SPIRE2: variants seen among roughly 807,000 people sequenced by gnomAD.
The protein encoded by SPIRE2 is protein spire homolog 2.
In SPIRE2, 76 loss-of-function variants were observed where a neutral mutation model predicts 80.7. That is an observed-to-expected ratio of 0.94 (90% CI 0.78 to 1.14). The LOEUF is 1.14. Ranked by LOEUF, SPIRE2 falls within the 50% of genes most tolerant of loss-of-function variation. SPIRE2 has a pLI of 0.00. For synonymous variants in SPIRE2, 535 were observed against 432.6 expected (o/e 1.24, Z -2.94); for missense variants, 1,196 against 1,015.3 (o/e 1.18, Z -2.42).
At position 89,828,800 on chromosome 16, in the gene SPIRE2, GC is replaced by G; in HGVS notation, c.244+8del. Reference sequence around the variant, plus strand: ...GCGGGAGCCCGAGGCCGCGGGTGAGGCCGGGGGCGGGGCAGCCGGCGGGGAC... The same window carrying G: ...GCGGGAGCCCGAGGCCGCGGGTGAGGCGGGGGCGGGGCAGCCGGCGGGGAC... On this transcript the variant is annotated splice_region_variant and intron_variant, in intron 1 of 14. Coordinates refer to ENST00000378247, the MANE Select transcript of SPIRE2 (RefSeq NM_032451.2). The surrounding 1 kb of genome is among the most constrained non-coding windows in gnomAD (Gnocchi z 5.9). 1 of 1,179,578 alleles carries G rather than the reference GC, an allele frequency of 8.5e-7. No individual in the cohort carries two copies. The highest frequency in any genetic ancestry group is 1.0e-6 in the Non-Finnish European group (1 of 954,286). 73.1% of individuals were successfully genotyped at this position (1,179,578 alleles called of 1,614,324 possible). A position where few individuals can be genotyped will look rare whatever the true frequency, so the allele number is the denominator to read the frequency against.
chr16:89,851,559 C>T (rs934852019), intron 3 of SPIRE2, among the ~76,000 whole-genome samples: 13 of 152,140 alleles, frequency 8.5e-5, no homozygotes, highest in South Asian at 6.2e-4. Context: ...TAGGCTCCGA[C>T]GTGGCTCCCA....
chr16:89,833,102 C>T (rs2041403363), intron 1 of SPIRE2, among the ~76,000 whole-genome samples: 1 of 152,084 alleles, frequency 6.6e-6, no homozygotes, highest in African/African-American at 2.4e-5. Context: ...AGTGATTCTC[C>T]TGCCTCAGCC....
At position 89,860,686 on chromosome 16, in the gene SPIRE2, C is replaced by T; in HGVS notation, c.1466C>T (p.Thr489Ile). The change falls in exon 10 of 15, where the codon ACC (threonine) becomes ATC (isoleucine). Residue 489 changes from threonine (T) to isoleucine (I), a missense_variant. Transcript: ENST00000378247. Reference sequence around the variant, plus strand: ...TGGAGCCTCTGCTCTCCCCCAGGTACCTGTCCCGCGAGTGTCTCTGACCCC... The same window carrying T: ...TGGAGCCTCTGCTCTCCCCCAGGTATCTGTCCCGCGAGTGTCTCTGACCCC... ...VWRPGSRDQG[T>I]CPASVSDPSH... is the part of the protein sequence containing the mutation. The T allele has an allele frequency of 6.3e-7, 1 of 1,585,800 alleles. No homozygotes were observed. The highest frequency in any genetic ancestry group is 8.6e-7 in the Non-Finnish European group (1 of 1,165,690).
intron 13 of SPIRE2, 47 bp downstream of exon 13, chr16:89,868,263 G>A: frequency 1.3e-6 from 2 of 1,591,892 alleles, no homozygotes; most frequent in African/African-American, 2.7e-5. Flanking sequence ...GCAGATGAGG[G>A]GCTCCACTGG....
At chr16:89,857,631 C>T (rs1413892073) in intron 7 of SPIRE2, among the ~76,000 whole-genome samples, 3 of 150,464 alleles carry the variant, frequency 2.0e-5, no homozygotes, top group African/African-American at 7.3e-5. Context: ...AGTGCAGTGG[C>T]GCTATCTCAG....
chr16:89,870,053 T>A lies in SPIRE2; in HGVS notation c.1926T>A (p.Ser642=). ...AGTGCCCTCTCCCACTTCCCAGGTC[T>A]CTGCAAGGGCCACAGTGGCAGAGCG... is the stretch of plus-strand genomic sequence containing the variant. The part of the protein sequence containing the change: ...APIQRRDIFQ[S]LQGPQWQSVE... The change falls in exon 15 of 15, where the codon TCT becomes TCA. Residue 642 remains serine, a synonymous_variant. Coordinates refer to ENST00000378247, the MANE Select transcript of SPIRE2 (RefSeq NM_032451.2). 6.2e-7 allele frequency: 1 copy of A among 1,612,036 alleles called. No homozygotes were observed. The highest frequency in any genetic ancestry group is 8.5e-7 in the Non-Finnish European group (1 of 1,179,670).
intron 3 of SPIRE2, among the ~76,000 whole-genome samples, chr16:89,851,562 G>C (rs1296526736): frequency 6.6e-6 from 1 of 152,152 alleles, no homozygotes; most frequent in Non-Finnish European, 1.5e-5. Context: ...GCTCCGACGT[G>C]GCTCCCAAGC....
chr16:89,870,268 A>G lies in SPIRE2; in HGVS notation c.2141A>G (p.Lys714Arg). 1 of 1,589,988 alleles carries G rather than the reference A, an allele frequency of 6.3e-7. No individual in the cohort carries two copies. Among genetic ancestry groups the G allele is most frequent in the Non-Finnish European group, 8.6e-7 (1 of 1,168,110 alleles). Reference sequence around the variant, plus strand: ...CCTAACACCAGGACTCTTGACTTCAAGTGACAGCCCCAGGTGGCCAGGCCT... The same window carrying G: ...CCTAACACCAGGACTCTTGACTTCAGGTGACAGCCCCAGGTGGCCAGGCCT... ...YIPNTRTLDFK is the reference protein window; with the variant it reads ...YIPNTRTLDFR Residue 714 changes from lysine (K) to arginine (R), a missense_variant, in exon 15 of 15, where the codon AAG becomes AGG. Coordinates refer to ENST00000378247, the MANE Select transcript of SPIRE2 (RefSeq NM_032451.2).
chr16:89,861,527 C>T (rs541192501), intron 10 of SPIRE2, among the ~76,000 whole-genome samples: 6 of 152,338 alleles, frequency 3.9e-5, no homozygotes, highest in South Asian at 2.1e-4. Context: ...GGGCTTGCCC[C>T]GTTAGCCTAG....
rs928605682 is a variant in SPIRE2 at position 89,858,432 on chromosome 16, C to G, written c.1197C>G (p.Ser399Arg). The G allele has an allele frequency of 3.7e-6, 6 of 1,611,666 alleles. No homozygotes were observed. The highest frequency in any genetic ancestry group is 5.1e-6 in the Non-Finnish European group (6 of 1,179,556). ...INLSVTDAGG[S>R]AQRPRPRVLL... ...TGTCAGTCACAGATGCTGGGGGCAGCGCCCAGCGCCCGCGGCCCCGCGTGC... is the reference window on the plus strand; with the variant it reads ...TGTCAGTCACAGATGCTGGGGGCAGGGCCCAGCGCCCGCGGCCCCGCGTGC... Residue 399 changes from serine (S) to arginine (R), a missense_variant, in exon 8 of 15, where the codon AGC becomes AGG. By Grantham distance (110) the Ser-to-Arg change is moderately radical (BLOSUM62 -1). Coordinates refer to ENST00000378247, the MANE Select transcript of SPIRE2 (RefSeq NM_032451.2).
At chr16:89,855,726 G>T (rs375807384) in intron 6 of SPIRE2, 40 bp downstream of exon 6, 366 of 1,590,848 alleles carry the variant, frequency 2.3e-4, no homozygotes, top group Admixed American at 3.0e-4. Context: ...GCCGCCCGGG[G>T]CCTGGTGCTG....
intron 1 of SPIRE2, among the ~76,000 whole-genome samples, chr16:89,835,962 G>A (rs1022715158): frequency 6.6e-6 from 1 of 152,126 alleles, no homozygotes; most frequent in South Asian, 2.1e-4. Context: ...ATCACATGAG[G>A]TCAGGAGTTT....
At position 89,859,240 on chromosome 16, in the gene SPIRE2, C is replaced by T. The variant is rs1423312568; in HGVS notation, c.1348C>T (p.Arg450Ter). The T allele has an allele frequency of 6.2e-6, 10 of 1,608,762 alleles. No homozygotes were observed. The highest frequency in any genetic ancestry group is 2.2e-5 in the East Asian group (1 of 44,542). ...CTCAGAGCATGACCTGGCCCAGCTC[C>T]GAAGTGAGGTGGCCTCTGGCCTGCA... ...SFSEHDLAQL[R>*]SEVASGLQSA... Residue 450 changes from arginine to a stop codon, truncating the protein, a stop_gained, in exon 9 of 15, where the codon CGA becomes TGA. Coordinates refer to ENST00000378247, the MANE Select transcript of SPIRE2 (RefSeq NM_032451.2). LOFTEE classifies it high-confidence loss of function.
Position 89,828,922 on chromosome 16 carries a change from G to A in SPIRE2, c.244+128G>A. 2.9e-6 allele frequency: 2 copies of A among 695,376 alleles called. No homozygotes were observed. The highest frequency in any genetic ancestry group is 3.8e-6 in the Non-Finnish European group (2 of 523,666). 43.1% of individuals were successfully genotyped at this position (695,376 alleles called of 1,614,324 possible). A position where few individuals can be genotyped will look rare whatever the true frequency, so the allele number is the denominator to read the frequency against. ...GAGCGGGAGATCCCCTTCTCTGCGG[G>A]ACCCGGAGCTCCCTCCCTCCCACTC... On this transcript the variant is annotated intron_variant, in intron 1 of 14. Transcript: ENST00000378247. This position sits in a 1 kb window ranked among gnomAD's most constrained non-coding sequence, Gnocchi z 5.9.
At chr16:89,846,917 G>C (rs575543413) in intron 2 of SPIRE2, 2 of 149,068 alleles carry the variant, frequency 1.3e-5, no homozygotes, top group Non-Finnish European at 3.0e-5. Context: ...CAATTCTCCT[G>C]CCTCAGTCTC....
Position 89,828,555 on chromosome 16 carries a change from C to T in SPIRE2, c.5C>T (p.Ala2Val). 8.9e-7 allele frequency: 1 copy of T among 1,125,430 alleles called. No homozygotes were observed. The highest frequency in any genetic ancestry group is 4.1e-5 in the South Asian group (1 of 24,212). The allele number at this position is 1,125,430 out of a possible 1,614,324, so 69.7% of individuals were successfully genotyped here. A position where few individuals can be genotyped will look rare whatever the true frequency, so the allele number is the denominator to read the frequency against. MARAGSCGGAAA... is the reference protein window; with the variant it reads MVRAGSCGGAAA... Reference sequence around the variant, plus strand: ...GGAGGCGATGACGGCCCCGCCATGGCCCGGGCGGGCAGCTGCGGCGGCGCC... The same window carrying T: ...GGAGGCGATGACGGCCCCGCCATGGTCCGGGCGGGCAGCTGCGGCGGCGCC... Residue 2 changes from alanine to valine, a missense_variant, in exon 1 of 15, where the codon GCC becomes GTC. Coordinates refer to ENST00000378247, the MANE Select transcript of SPIRE2 (RefSeq NM_032451.2). This position sits in a 1 kb window ranked among gnomAD's most constrained non-coding sequence, Gnocchi z 5.9.
At chr16:89,867,140 G>A (rs1297434577) in intron 12 of SPIRE2, among the ~76,000 whole-genome samples, 1 of 150,694 alleles carries the variant, frequency 6.6e-6, no homozygotes, top group South Asian at 2.1e-4. Flanking sequence ...TGTTGTTGTT[G>A]TTGTTTGCTT....
chr16:89,850,556 G>A lies in SPIRE2; in HGVS notation c.541G>A (p.Asp181Asn), dbSNP rs998666756. 2.0e-6 allele frequency: 3 copies of A among 1,512,180 alleles called. No individual in the cohort carries two copies. The highest frequency in any genetic ancestry group is 2.6e-6 in the Non-Finnish European group (3 of 1,134,798). The allele number at this position is 1,512,180 out of a possible 1,614,324, so 93.7% of individuals were successfully genotyped here. Residue 181 changes from aspartate to asparagine, a missense_variant, in exon 3 of 15, where the codon GAC (aspartate) becomes AAC (asparagine). By Grantham distance (23) the Asp-to-Asn change is conservative. Coordinates refer to ENST00000378247, the MANE Select transcript of SPIRE2 (RefSeq NM_032451.2). ...AMRLCAARLT[D>N]PRGAQAHYQA... ...GCGGCTGTGCGCGGCGCGGCTGACCGACCCCCGGGGCGCACAGGCGCATTA... is the reference window on the plus strand; with the variant it reads ...GCGGCTGTGCGCGGCGCGGCTGACCAACCCCCGGGGCGCACAGGCGCATTA...
chr16:89,865,850 C>T (rs1166403569), intron 12 of SPIRE2, among the ~76,000 whole-genome samples: 1 of 151,646 alleles, frequency 6.6e-6, no homozygotes, highest in Admixed American at 6.6e-5. Flanking sequence ...TGCCTGTAGT[C>T]CCAGCTACTC....
Sources: gnomAD v4.1 joint callset for allele counts (sites outside exome capture counted in the v4.1 genomes callset) on GRCh38, gnomAD v4.1.1 for gene constraint, Gnocchi (gnomAD v3.1) non-coding constraint, MANE v1.5 for transcripts, NCBI Gene and HGNC (gene_info 2026-07-23, HGNC 2026-07-21) for gene names.